ZFHX4: variants seen among roughly 807,000 people sequenced by gnomAD.
ZFHX4 encodes the protein zinc finger homeobox protein 4.
ZFHX4 carries 56 observed loss-of-function variants against 267.6 expected under a neutral mutation model. That is an observed-to-expected ratio of 0.21 (90% CI 0.17 to 0.26). The LOEUF is 0.26. Ranked by LOEUF, ZFHX4 falls within the 10% of genes least tolerant of loss-of-function variation. The pLI, the probability that ZFHX4 is intolerant of heterozygous loss-of-function variation, is 1.00. For synonymous variants in ZFHX4, 1,778 were observed against 1,665.6 expected, an observed-to-expected ratio of 1.07 and a Z score of -1.64; for missense variants, 4,332 against 4,420.0, an observed-to-expected ratio of 0.98 and a Z score of 0.56.
chr8:76,787,234 T>C (rs1448339922), intron 4 of ZFHX4, among the ~76,000 whole-genome samples: 1 of 152,166 alleles, frequency 6.6e-6, no homozygotes, highest in Non-Finnish European at 1.5e-5. Flanking sequence ...TGTGATCAAG[T>C]GTTGTAAGAC....
At position 76,863,830 on chromosome 8, in the gene ZFHX4, T is replaced by C. The variant is rs759063854; in HGVS notation, c.10116T>C (p.Thr3372=). ...CAGAAACAAAGGAAGACAAAAGTAC[T>C]GCTACAGAAAGCACAAAAGAAGAAC... ...DASETKEDKS[T]ATESTKEEPQ... Residue 3372 remains threonine (T), a synonymous_variant, in exon 11 of 11, where the codon ACT becomes ACC. Coordinates refer to ENST00000651372, the MANE Select transcript of ZFHX4 (RefSeq NM_024721.5). 17 of 1,553,062 alleles carry C rather than the reference T, an allele frequency of 1.1e-5. No homozygotes were observed. The South Asian group carries it at 1.8e-4, about 16-fold the overall frequency.
At chr8:76,738,486 C>T (rs1473588139) in intron 3 of ZFHX4, among the ~76,000 whole-genome samples, 1 of 152,184 alleles carries the variant, frequency 6.6e-6, no homozygotes, top group African/African-American at 2.4e-5. Flanking sequence ...AAACTTTCAT[C>T]ACTGAACCAA....
intron 1 of ZFHX4, among the ~76,000 whole-genome samples, chr8:76,692,540 C>T (rs953748177): frequency 3.3e-5 from 5 of 152,026 alleles, no homozygotes; most frequent in African/African-American, 1.2e-4. Context: ...TTATGGGTCT[C>T]CACCTGGTTT....
At chr8:76,810,512 C>T (rs962168671) in intron 4 of ZFHX4, among the ~76,000 whole-genome samples, 2 of 152,116 alleles carry the variant, frequency 1.3e-5, no homozygotes, top group African/African-American at 4.8e-5. Context: ...AGGCCATTAA[C>T]CCTGGCCTCC....
chr8:76,833,262 GT>G, intron 4 of ZFHX4, 75 bp from the exon 5 acceptor site: 1 of 1,337,060 alleles, frequency 7.5e-7, no homozygotes, highest in Admixed American at 1.9e-5. Flanking sequence ...CAAATTTTGG[GT>G]TCTTGTAATA....
chr8:76,732,173 T>C (rs1455612522), intron 3 of ZFHX4, among the ~76,000 whole-genome samples: 1 of 151,998 alleles, frequency 6.6e-6, no homozygotes, highest in African/African-American at 2.4e-5. Context: ...GTAAAATATA[T>C]GGTAATTTCT....
rs1293205547 is a variant in ZFHX4, at chr8:76,852,196, T to C, written c.5275T>C (p.Ser1759Pro). The change falls in exon 10 of 11, where the codon TCT (serine) becomes CCT (proline). Residue 1759 changes from serine (S) to proline (P), a missense_variant. By Grantham distance (74) the Ser-to-Pro change is moderately conservative (BLOSUM62 -1). Coordinates refer to ENST00000651372, the MANE Select transcript of ZFHX4 (RefSeq NM_024721.5). ...GGGGCCAGATTTGGGCTTGCCAGGC[T>C]CTGCCACATTTGGGATGCCTGGCAT... ...SLGPDLGLPG[S>P]ATFGMPGMTG... is the part of the protein sequence containing the mutation. 5 of 1,613,882 alleles carry C rather than the reference T, an allele frequency of 3.1e-6. No individual in the cohort carries two copies. The highest frequency in any genetic ancestry group is 4.2e-6 in the Non-Finnish European group (5 of 1,179,844).
At chr8:76,689,780 C>A (rs1807779593) in intron 1 of ZFHX4, among the ~76,000 whole-genome samples, 1 of 152,024 alleles carries the variant, frequency 6.6e-6, no homozygotes, top group South Asian at 2.1e-4. Flanking sequence ...TGAATAGAAT[C>A]AAATATTTGC....
At chr8:76,787,578 G>A (rs780123702) in intron 4 of ZFHX4, among the ~76,000 whole-genome samples, 9 of 150,724 alleles carry the variant, frequency 6.0e-5, no homozygotes, top group Non-Finnish European at 1.3e-4. Flanking sequence ...CGAGGTGGGC[G>A]GATCACGAGG....
rs1813001101 is a variant in ZFHX4, at chr8:76,865,401, C to T, written c.*836C>T. 1 of 152,490 alleles carries T rather than the reference C, an allele frequency of 6.6e-6. No individual in the cohort carries two copies. The highest frequency in any genetic ancestry group is 2.4e-5 in the African/African-American group (1 of 41,422). 9.4% of individuals were successfully genotyped at this position (152,490 alleles called of 1,614,324 possible). A position where few individuals can be genotyped will look rare whatever the true frequency, so the allele number is the denominator to read the frequency against. On this transcript the variant is annotated 3_prime_UTR_variant, in exon 11 of 11. Coordinates refer to ENST00000651372, the MANE Select transcript of ZFHX4 (RefSeq NM_024721.5). ...AGGATTATGTGAACAGGACATTTTT[C>T]ATTTGTGAATTTAATGCTATACTGT...
At position 76,854,991 on chromosome 8, in the gene ZFHX4, A is replaced by G. The variant is rs1812672393; in HGVS notation, c.8070A>G (p.Leu2690=). 6.2e-7 allele frequency: 1 copy of G among 1,613,994 alleles called. No homozygotes were observed. Among genetic ancestry groups the G allele is most frequent in the Non-Finnish European group, 8.5e-7 (1 of 1,179,876 alleles). ...CCCTGTTTAAAGCAAAGTCGGCCTT[A>G]GAAAGCCACATTCGCTCTCGGCACT... ...CRALFKAKSA[L]ESHIRSRHWN... The change falls in exon 10 of 11, where the codon TTA becomes TTG. Residue 2690 remains leucine, a synonymous_variant. Transcript: ENST00000651372.
At chr8:76,796,133 G>A (rs953692449) in intron 4 of ZFHX4, among the ~76,000 whole-genome samples, 5 of 152,036 alleles carry the variant, frequency 3.3e-5, no homozygotes, top group East Asian at 1.9e-4. Context: ...GTTAAGGTAG[G>A]GTAGGCAAGT....
rs559531305 is a variant in ZFHX4 at position 76,706,329 on chromosome 8, C to A, written c.2241C>A (p.Asn747Lys). 1.9e-6 allele frequency: 3 copies of A among 1,614,152 alleles called. No homozygotes were observed. Among genetic ancestry groups the A allele is most frequent in the East Asian group, 2.2e-5 (1 of 44,864 alleles). The change falls in exon 2 of 11, where the codon AAC becomes AAA. Residue 747 changes from asparagine to lysine, a missense_variant. Asn to Lys is a moderately conservative substitution (Grantham distance 94). Coordinates refer to ENST00000651372, the MANE Select transcript of ZFHX4 (RefSeq NM_024721.5). ...TTGGCCACTCTGCCCCAGCCCCCAA[C>A]ACCAGCCTCAGTGGCTGCGGAACAC... ...QVFGHSAPAP[N>K]TSLSGCGTPS...
chr8:76,716,986 C>CCAGGG (rs1189577050), intron 3 of ZFHX4, among the ~76,000 whole-genome samples: 1 of 152,086 alleles, frequency 6.6e-6, no homozygotes, highest in African/African-American at 2.4e-5. Flanking sequence ...CAGTAATGCA[C>CCAGGG]TAAATGGTAC....
At position 76,864,610 on chromosome 8, in the gene ZFHX4, AAT is replaced by A. The variant is rs1812980810; in HGVS notation, c.*47_*48del. 8 of 1,282,092 alleles carry A rather than the reference AAT, an allele frequency of 6.2e-6. No individual in the cohort carries two copies. The highest frequency in any genetic ancestry group is 1.7e-5 in the African/African-American group (1 of 59,178). 79.4% of individuals were successfully genotyped at this position (1,282,092 alleles called of 1,614,324 possible). A position where few individuals can be genotyped will look rare whatever the true frequency, so the allele number is the denominator to read the frequency against. ...TGCTTAAAAAAATAAAAAATAAAAA[AAT>A]AAAAAAAAAATAAGACTTTAACTGC... On this transcript the variant is annotated 3_prime_UTR_variant, in exon 11 of 11. Transcript: ENST00000651372.
At chr8:76,699,744 CA>C (rs34108017) in intron 1 of ZFHX4, among the ~76,000 whole-genome samples, 2,287 of 89,684 alleles carry the variant, frequency 0.026, 52 homozygotes, top group African/African-American at 0.067. Context: ...GCAACTGATG[CA>C]AAAAAAAAAA....
intron 4 of ZFHX4, among the ~76,000 whole-genome samples, chr8:76,780,930 G>A (rs1432779909): frequency 6.6e-6 from 1 of 152,082 alleles, no homozygotes; most frequent in Admixed American, 6.6e-5. Flanking sequence ...TAGTTGGATT[G>A]ACTTTGTATA....
chr8:76,700,130 A>AT (rs551895625), intron 1 of ZFHX4, among the ~76,000 whole-genome samples: 6 of 151,926 alleles, frequency 3.9e-5, no homozygotes, highest in South Asian at 4.2e-4. Context: ...TTTATTTTCT[A>AT]TTTTTTTTAA....
At chr8:76,814,166 G>A (rs1029001944) in intron 4 of ZFHX4, among the ~76,000 whole-genome samples, 1 of 151,976 alleles carries the variant, frequency 6.6e-6, no homozygotes, top group African/African-American at 2.4e-5. Context: ...TGAACTTCTG[G>A]GCACAAGTGA....
Sources: gnomAD v4.1 joint callset for allele counts (sites outside exome capture counted in the v4.1 genomes callset) on GRCh38, gnomAD v4.1.1 for gene constraint, MANE v1.5 for transcripts, NCBI Gene and HGNC (gene_info 2026-07-23, HGNC 2026-07-21) for gene names.